PRKG1: variants seen among roughly 807,000 people sequenced by gnomAD.
The protein encoded by PRKG1 is protein kinase cGMP-dependent 1, also known as cGMP-dependent protein kinase 1.
PRKG1 carries 35 observed loss-of-function variants against 88.1 expected under a neutral mutation model. The observed-to-expected ratio is 0.40, with a 90% CI of 0.30 to 0.53. The LOEUF is 0.53. Ranked by LOEUF, PRKG1 falls within the 20% of genes least tolerant of loss-of-function variation. The pLI is 0.59. For synonymous variants in PRKG1, 303 were observed against 292.5 expected, an observed-to-expected ratio of 1.04 and a Z score of -0.37; for missense variants, 540 against 839.8, an observed-to-expected ratio of 0.64 and a Z score of 4.41.
intron 1 of PRKG1, among the ~76,000 whole-genome samples, chr10:51,118,616 T>G (rs1845189378): frequency 6.6e-6 from 1 of 152,184 alleles, no homozygotes; most frequent in African/African-American, 2.4e-5. Context: ...ATAGGTATTC[T>G]TATTAGCATC....
intron 5 of PRKG1, among the ~76,000 whole-genome samples, chr10:51,960,717 T>A (rs910004888): frequency 2.0e-5 from 3 of 152,186 alleles, no homozygotes; most frequent in Admixed American, 6.6e-5. Flanking sequence ...GTGATCCAAC[T>A]GAAATGGGAG....
At chr10:52,187,973 A>T (rs956179287) in intron 9 of PRKG1, among the ~76,000 whole-genome samples, 2 of 152,208 alleles carry the variant, frequency 1.3e-5, no homozygotes, top group Non-Finnish European at 2.9e-5. Flanking sequence ...CAAGGAGAAT[A>T]ATAAATTAAA....
intron 5 of PRKG1, among the ~76,000 whole-genome samples, chr10:52,032,918 T>C (rs545390012): frequency 6.6e-6 from 1 of 152,304 alleles, no homozygotes; most frequent in African/African-American, 2.4e-5. Flanking sequence ...CCTAATGTAG[T>C]CTAGGTGCAG....
At chr10:51,722,968 C>G (rs1181289091) in intron 3 of PRKG1, among the ~76,000 whole-genome samples, 1 of 152,126 alleles carries the variant, frequency 6.6e-6, no homozygotes, top group Non-Finnish European at 1.5e-5. Context: ...AACGTGTTCT[C>G]TGTGGCTCAT....
intron 5 of PRKG1, among the ~76,000 whole-genome samples, chr10:52,048,517 C>G (rs574037637): frequency 6.6e-6 from 1 of 152,206 alleles, no homozygotes; most frequent in South Asian, 2.1e-4. Flanking sequence ...CAAGGAGTCA[C>G]CATCAAGGCC....
chr10:51,879,418 A>G (rs1219470113), intron 4 of PRKG1, among the ~76,000 whole-genome samples: 2 of 152,164 alleles, frequency 1.3e-5, no homozygotes, highest in African/African-American at 2.4e-5. Flanking sequence ...CCAAACACAT[A>G]CAGAACTATG....
intron 3 of PRKG1, among the ~76,000 whole-genome samples, chr10:51,609,290 A>T (rs1838843766): frequency 6.6e-6 from 1 of 152,164 alleles, no homozygotes; most frequent in Admixed American, 6.5e-5. Flanking sequence ...CTGACTTACC[A>T]GAGCAACTTT....
At chr10:52,148,664 A>G (rs1384267805) in intron 8 of PRKG1, among the ~76,000 whole-genome samples, 1 of 152,116 alleles carries the variant, frequency 6.6e-6, no homozygotes. Flanking sequence ...ATCAGCACAG[A>G]GCCCCTTAGT....
intron 2 of PRKG1, among the ~76,000 whole-genome samples, chr10:51,242,997 A>G (rs1839193909): frequency 6.6e-6 from 1 of 152,170 alleles, no homozygotes; most frequent in Non-Finnish European, 1.5e-5. Context: ...ATTTCTGTGA[A>G]TGTTTCACTA....
At chr10:51,303,205 G>C (rs1840939141) in intron 2 of PRKG1, among the ~76,000 whole-genome samples, 1 of 152,096 alleles carries the variant, frequency 6.6e-6, no homozygotes, top group Admixed American at 6.5e-5. Context: ...TAAAATTTTA[G>C]GAAGATACAT....
chr10:51,591,674 C>T (rs573327465), intron 3 of PRKG1, among the ~76,000 whole-genome samples: 7 of 152,126 alleles, frequency 4.6e-5, no homozygotes, highest in East Asian at 1.9e-4. Context: ...AAGCATCTTC[C>T]GTAAAAACTT....
intron 3 of PRKG1, among the ~76,000 whole-genome samples, chr10:51,666,960 A>G (rs1395517962): frequency 6.6e-6 from 1 of 151,892 alleles, no homozygotes; most frequent in Non-Finnish European, 1.5e-5. Flanking sequence ...AAGCCTGGCT[A>G]ATTTTTTTTG....
chr10:51,466,835 C>G (rs148615276), intron 2 of PRKG1, among the ~76,000 whole-genome samples: 94 of 152,100 alleles, frequency 6.2e-4, no homozygotes, highest in African/African-American at 2.1e-3. Context: ...CAAGCTAACT[C>G]TCTTGCCAGG....
At chr10:51,484,304 C>T (rs910793818) in intron 3 of PRKG1, among the ~76,000 whole-genome samples, 1 of 152,168 alleles carries the variant, frequency 6.6e-6, no homozygotes, top group Admixed American at 6.6e-5. Context: ...ATTGTCTTTA[C>T]TAAAGGCCAT....
intron 1 of PRKG1, among the ~76,000 whole-genome samples, chr10:51,036,548 A>T (rs1843356406): frequency 6.6e-6 from 1 of 152,052 alleles, no homozygotes; most frequent in South Asian, 2.1e-4. Flanking sequence ...AAGGGGAGTG[A>T]AAATTTTTCA....
intron 1 of PRKG1, among the ~76,000 whole-genome samples, chr10:51,076,149 T>G (rs970901169): frequency 6.6e-6 from 1 of 152,210 alleles, no homozygotes; most frequent in Non-Finnish European, 1.5e-5. Flanking sequence ...ATTACTACTT[T>G]TGAAAACTTA....
At chr10:51,318,678 A>G (rs950912036) in intron 2 of PRKG1, among the ~76,000 whole-genome samples, 1 of 152,192 alleles carries the variant, frequency 6.6e-6, no homozygotes, top group Non-Finnish European at 1.5e-5. Context: ...GGATTTAAAG[A>G]TTACTTTCAT....
At position 51,715,312 on chromosome 10, in the gene PRKG1, C is replaced by A. The variant is rs151166976; in HGVS notation, c.593-89273C>A. On this transcript the variant is annotated intron_variant, in intron 3 of 17. Coordinates refer to ENST00000373980, the MANE Select transcript of PRKG1 (RefSeq NM_006258.4). ...CAAATTTACAAATTATGCAAGATTT[C>A]TTAATCTAATTAGCATGTGTCAGAA... Among the ~76,000 whole-genome samples the A allele has an allele frequency of 3.9e-3, 588 of 152,228 alleles. 1 individual carries two copies. The highest frequency in any genetic ancestry group is 0.014 in the African/African-American group (568 of 41,518).
At chr10:52,197,376 T>C (rs1839535840) in intron 9 of PRKG1, among the ~76,000 whole-genome samples, 1 of 152,220 alleles carries the variant, frequency 6.6e-6, no homozygotes, top group Non-Finnish European at 1.5e-5. Context: ...CTACTGCTTG[T>C]TGTTTCAAAG....
Sources: gnomAD v4.1 joint callset for allele counts (sites outside exome capture counted in the v4.1 genomes callset) on GRCh38, gnomAD v4.1.1 for gene constraint, MANE v1.5 for transcripts, NCBI Gene and HGNC (gene_info 2026-07-23, HGNC 2026-07-21) for gene names.